PLXNA4: variants seen among roughly 807,000 people sequenced by gnomAD.
The protein encoded by PLXNA4 is plexin-A4.
A neutral mutation model predicts 191.8 loss-of-function variants in PLXNA4; 44 were observed. The ratio of observed to expected loss-of-function variants is 0.23; its 90% confidence interval spans 0.18 to 0.29. The LOEUF (loss-of-function observed/expected upper bound fraction) is 0.29. Among genes scored for constraint, PLXNA4 ranks in the 10% least tolerant of loss-of-function variants. PLXNA4 has a pLI of 1.00. For missense variants in PLXNA4, 1,800 were observed against 2,488.8 expected (o/e 0.72, Z 5.89); for synonymous variants, 1,082 against 1,009.5 (o/e 1.07, Z -1.36).
intron 3 of PLXNA4, among the ~76,000 whole-genome samples, chr7:132,375,035 C>A (rs1804601919): frequency 6.6e-6 from 1 of 152,230 alleles, no homozygotes; most frequent in Non-Finnish European, 1.5e-5. Context: ...CCTCTGCATT[C>A]TCATCCTGGA....
At chr7:132,636,081 G>A (rs978831264) in intron 2 of PLXNA4, among the ~76,000 whole-genome samples, 2 of 152,222 alleles carry the variant, frequency 1.3e-5, no homozygotes, top group African/African-American at 4.8e-5. Context: ...ATAGGGAGGT[G>A]TGAGGAAAAG....
chr7:132,448,650 CTA>C (rs1219597968), intron 3 of PLXNA4, among the ~76,000 whole-genome samples: 2 of 152,158 alleles, frequency 1.3e-5, no homozygotes, highest in Non-Finnish European at 1.5e-5. Context: ...CCCTCTGCAG[CTA>C]TATGTTATTT....
At chr7:132,385,728 G>A (rs900984995) in intron 3 of PLXNA4, among the ~76,000 whole-genome samples, 8 of 152,256 alleles carry the variant, frequency 5.3e-5, no homozygotes, top group African/African-American at 1.2e-4. Context: ...ACACACACGC[G>A]TGCGCATGCA....
In PLXNA4 at chr7:132,510,568, A is replaced by C. The variant is rs75812455; in HGVS notation, c.-86-1789T>G. Reference sequence around the variant, plus strand: ...GTAGTCAAATCAGGCCGATACCACCAGAACCTGAACTGATACGCACGACAA... The same window carrying C: ...GTAGTCAAATCAGGCCGATACCACCCGAACCTGAACTGATACGCACGACAA... On this transcript the variant is annotated intron_variant, in intron 1 of 31. Coordinates refer to ENST00000321063, the MANE Select transcript of PLXNA4 (RefSeq NM_020911.2). Among the ~76,000 whole-genome samples the C allele has an allele frequency of 8.2e-3, 1,254 of 152,354 alleles. 16 individuals are homozygous for C. The highest frequency in any genetic ancestry group is 0.028 in the African/African-American group (1,172 of 41,582).
intron 4 of PLXNA4, among the ~76,000 whole-genome samples, chr7:132,248,896 A>C (rs1799150306): frequency 6.6e-6 from 1 of 152,184 alleles, no homozygotes; most frequent in African/African-American, 2.4e-5. Flanking sequence ...ACTCCTTGGG[A>C]ATGATTTGCC....
chr7:132,168,658 TGACCC>T, intron 21 of PLXNA4, 86 bp from the exon 22 acceptor site: 1 of 1,470,480 alleles, frequency 6.8e-7, no homozygotes, highest in Admixed American at 2.4e-5. Flanking sequence ...CCCATATCCA[TGACCC>T]TCTCATCCAC....
At chr7:132,574,344 C>T (rs1051754561) in intron 1 of PLXNA4, among the ~76,000 whole-genome samples, 1 of 152,254 alleles carries the variant, frequency 6.6e-6, no homozygotes, top group Non-Finnish European at 1.5e-5. Flanking sequence ...GAGGCACCCA[C>T]TGTTGCTGGA....
chr7:132,168,353 T>C lies in PLXNA4; in HGVS notation c.4237A>G (p.Ile1413Val), dbSNP rs1796183035. The change falls in exon 22 of 32, where the codon ATT becomes GTT. Residue 1413 changes from isoleucine (I) to valine (V), a missense_variant. Ile to Val is a conservative substitution (Grantham distance 29). This residue lies in a region of PLXNA4 where 1,397 missense variants were observed against 1,880.4 expected (regional missense o/e 0.74). Transcript: ENST00000321063. ...TTCTTGCTCTCCAGGTTCTTGTCAA[T>C]GAGGTCGGCCAGCAGCTGCTTCAGC... ...DVLKQLLADL[I>V]DKNLESKNHP... is the part of the protein sequence containing the mutation. The C allele has an allele frequency of 1.2e-6, 2 of 1,603,498 alleles. No individual in the cohort carries two copies. Among genetic ancestry groups the C allele is most frequent in the African/African-American group, 1.3e-5 (1 of 74,782 alleles).
intron 16 of PLXNA4, among the ~76,000 whole-genome samples, chr7:132,182,775 T>C (rs1203737551): frequency 2.0e-5 from 3 of 152,134 alleles, no homozygotes; most frequent in Non-Finnish European, 4.4e-5. Context: ...TGGACTCGGG[T>C]CTCCTGTACC....
chr7:132,308,592 A>C (rs1331167315), intron 3 of PLXNA4, among the ~76,000 whole-genome samples: 1 of 152,166 alleles, frequency 6.6e-6, no homozygotes, highest in Non-Finnish European at 1.5e-5. Flanking sequence ...GGATTTTTGA[A>C]GTCCAGGGGC....
chr7:132,451,838 G>T (rs1179331549), intron 3 of PLXNA4, among the ~76,000 whole-genome samples: 2 of 152,224 alleles, frequency 1.3e-5, no homozygotes, highest in Non-Finnish European at 2.9e-5. Flanking sequence ...GGGCTGTGTG[G>T]GAAGGGCAAG....
At chr7:132,552,522 C>G (rs993679509) in intron 1 of PLXNA4, among the ~76,000 whole-genome samples, 2 of 152,178 alleles carry the variant, frequency 1.3e-5, no homozygotes, top group Non-Finnish European at 2.9e-5. Flanking sequence ...AATGGGGCAG[C>G]CCGCTTCTTC....
chr7:132,472,825 G>A (rs1477902965), intron 3 of PLXNA4, among the ~76,000 whole-genome samples: 2 of 152,172 alleles, frequency 1.3e-5, no homozygotes, highest in East Asian at 1.9e-4. Flanking sequence ...TGAGGGCGTG[G>A]CCAGCGGGGA....
intron 3 of PLXNA4, among the ~76,000 whole-genome samples, chr7:132,459,065 C>T (rs1004837298): frequency 3.9e-5 from 6 of 152,122 alleles, no homozygotes; most frequent in African/African-American, 1.4e-4. Flanking sequence ...ATACACACAT[C>T]TACGTAGACC....
At chr7:132,245,981 A>G (rs62464991) in intron 4 of PLXNA4, among the ~76,000 whole-genome samples, 5,872 of 152,330 alleles carry the variant, frequency 0.039, 177 homozygotes, top group Non-Finnish European at 0.059. Flanking sequence ...TTTCTGTTTG[A>G]GCAAATGAAA....
At chr7:132,532,955 G>A (rs1208937162) in intron 1 of PLXNA4, among the ~76,000 whole-genome samples, 6 of 152,170 alleles carry the variant, frequency 3.9e-5, no homozygotes, top group Admixed American at 3.9e-4. Context: ...GATGACAGTA[G>A]GATCTTCCTT....
Position 132,168,464 on chromosome 7 carries a change from G to A in PLXNA4, c.4126C>T (p.Arg1376Cys), listed in dbSNP as rs1015797859. ...CCACGGTCGCGCATGGAGAAGCTAC[G>A]CTGGGACTCAAGCGTGCGGATGAAG... ...LSFIRTLESQ[R>C]SFSMRDRGNV... Residue 1376 changes from arginine to cysteine, a missense_variant, in exon 22 of 32, where the codon CGT becomes TGT. Around this residue, in one of 6 missense-constraint regions of PLXNA4, gnomAD observed 1,397 missense variants for 1,880.4 expected, o/e 0.74. Transcript: ENST00000321063. The A allele has an allele frequency of 3.7e-6, 6 of 1,613,920 alleles. No homozygotes were observed. The highest frequency in any genetic ancestry group is 1.1e-5 in the South Asian group (1 of 91,074).
intron 2 of PLXNA4, among the ~76,000 whole-genome samples, chr7:132,583,850 C>A (rs1425581361): frequency 2.0e-5 from 3 of 152,198 alleles, no homozygotes; most frequent in Non-Finnish European, 4.4e-5. Context: ...AGAGCAGGGA[C>A]CCTCGAAGCC....
At chr7:132,446,254 T>C (rs1340664809) in intron 3 of PLXNA4, among the ~76,000 whole-genome samples, 1 of 152,158 alleles carries the variant, frequency 6.6e-6, no homozygotes, top group African/African-American at 2.4e-5. Context: ...TAGGTAATAT[T>C]AATAACAACA....
Sources: allele counts gnomAD v4.1 joint callset (sites outside exome capture counted in the v4.1 genomes callset), GRCh38; gene constraint gnomAD v4.1.1; regional missense constraint gnomAD v4.1.1; transcripts MANE v1.5; gene names NCBI Gene and HGNC (gene_info 2026-07-23, HGNC 2026-07-21).